PDE1A: variants seen among roughly 807,000 people sequenced by gnomAD.
PDE1A encodes the protein dual specificity calcium/calmodulin-dependent 3',5'-cyclic nucleotide phosphodiesterase 1A.
Under a neutral mutation model 61.7 loss-of-function variants are expected in PDE1A, and 35 were observed. The ratio of observed to expected loss-of-function variants is 0.57; its 90% CI spans 0.43 to 0.75. The LOEUF (loss-of-function observed/expected upper bound fraction) is 0.75. PDE1A is among the 30% of genes least tolerant of loss of function. The probability of loss-of-function intolerance (pLI) is 0.00; values close to 1 mark genes in which losing one functional copy is unlikely to be tolerated. For missense variants in PDE1A, 597 were observed against 630.6 expected (o/e 0.95, Z 0.57); for synonymous variants, 232 against 213.2 (o/e 1.09, Z -0.77).
intron 1 of PDE1A, among the ~76,000 whole-genome samples, chr2:182,270,373 A>G (rs548195313): frequency 1.3e-5 from 2 of 152,206 alleles, no homozygotes; most frequent in Admixed American, 6.5e-5. Context: ...TGCAGTTTTT[A>G]TAACCAAGTA....
At chr2:182,538,366 C>G in the PDE1A span, among the ~76,000 whole-genome samples, 1 of 152,122 alleles carries the variant, frequency 6.6e-6, no homozygotes, top group East Asian at 1.9e-4. Flanking sequence ...AAAGTAAGTG[C>G]TCTACCAGTA....
intron 2 of PDE1A, among the ~76,000 whole-genome samples, chr2:182,438,725 C>T (rs1350416706): frequency 1.3e-5 from 2 of 151,914 alleles, no homozygotes; most frequent in African/African-American, 4.8e-5. Context: ...GGAGAAATTA[C>T]AGGAGACGAA....
chr2:182,430,194 C>T (rs939506540), upstream of PDE1A, among the ~76,000 whole-genome samples: 5 of 150,034 alleles, frequency 3.3e-5, no homozygotes, highest in Admixed American at 1.3e-4. Flanking sequence ...AGAAAATTTT[C>T]GCAACCTACT....
the PDE1A span, among the ~76,000 whole-genome samples, chr2:182,662,382 A>C: frequency 6.6e-6 from 1 of 150,952 alleles, no homozygotes; most frequent in African/African-American, 2.5e-5. Context: ...AATAGCCACG[A>C]CAATCCTAAG....
At chr2:182,589,949 A>C in the PDE1A span, among the ~76,000 whole-genome samples, 1 of 151,078 alleles carries the variant, frequency 6.6e-6, no homozygotes, top group African/African-American at 2.5e-5. Flanking sequence ...CCACGCTATT[A>C]GCTTTTGGTG....
intron 1 of PDE1A, among the ~76,000 whole-genome samples, chr2:182,296,080 A>G (rs1303019000): frequency 6.6e-6 from 1 of 152,232 alleles, no homozygotes; most frequent in East Asian, 1.9e-4. Flanking sequence ...AATACCAGTC[A>G]GTATACAGAA....
chr2:182,516,702 G>GAGGAAAGAAGGAAGGAAGGA (rs1690181413), intron 2 of PDE1A, among the ~76,000 whole-genome samples: 43 of 116,848 alleles, frequency 3.7e-4, no homozygotes, highest in Non-Finnish European at 6.6e-4. Flanking sequence ...GGGAGGAAGG[G>GAGGAAAGAAGGAAGGAAGGA]AGGAAGGAAG....
chr2:182,388,303 C>A (rs962824392), intron 1 of PDE1A, among the ~76,000 whole-genome samples: 6 of 152,068 alleles, frequency 3.9e-5, no homozygotes, highest in Non-Finnish European at 7.4e-5. Context: ...AAGGAAACAT[C>A]AAAGTTAAAC....
At chr2:182,553,290 C>A in the PDE1A span, among the ~76,000 whole-genome samples, 2 of 152,142 alleles carry the variant, frequency 1.3e-5, no homozygotes, top group Non-Finnish European at 2.9e-5. Flanking sequence ...GCTCTGTGAG[C>A]AAGGACCCCC....
chr2:182,273,247 G>A (rs1693162195), intron 1 of PDE1A, among the ~76,000 whole-genome samples: 1 of 152,034 alleles, frequency 6.6e-6, no homozygotes, highest in African/African-American at 2.4e-5. Flanking sequence ...CAAGGAAAGT[G>A]ACTTAACTTA....
chr2:182,702,248 C>T, the PDE1A span, among the ~76,000 whole-genome samples: 1 of 152,122 alleles, frequency 6.6e-6, no homozygotes, highest in Non-Finnish European at 1.5e-5. Context: ...GGATTGCAGG[C>T]ATGTACCACC....
chr2:182,298,954 C>T (rs747702562), intron 1 of PDE1A, among the ~76,000 whole-genome samples: 24 of 152,034 alleles, frequency 1.6e-4, no homozygotes, highest in Admixed American at 2.0e-4. Flanking sequence ...TTGACTACAA[C>T]GGAAATTTAC....
chr2:182,173,128 C>G (rs1013121191), intron 13 of PDE1A, among the ~76,000 whole-genome samples: 1 of 151,904 alleles, frequency 6.6e-6, no homozygotes, highest in African/African-American at 2.4e-5. Flanking sequence ...TGACCATGAG[C>G]TGGTATTTCC....
intron 1 of PDE1A, among the ~76,000 whole-genome samples, chr2:182,362,624 T>C (rs1158027465): frequency 6.6e-6 from 1 of 151,962 alleles, no homozygotes; most frequent in Non-Finnish European, 1.5e-5. Context: ...TTCAAACTTA[T>C]CTATAAAAAT....
At chr2:182,653,424 G>GGT in the PDE1A span, among the ~76,000 whole-genome samples, 2 of 152,016 alleles carry the variant, frequency 1.3e-5, no homozygotes, top group African/African-American at 4.8e-5. Flanking sequence ...GAGGGGATGT[G>GGT]GTGTGTGGCA....
the PDE1A span, among the ~76,000 whole-genome samples, chr2:182,644,998 T>C: frequency 2.6e-5 from 4 of 151,204 alleles, no homozygotes; most frequent in African/African-American, 9.7e-5. Context: ...TTTTTTTTTT[T>C]TTTTTGAGAC....
At chr2:182,626,200 C>T in the PDE1A span, among the ~76,000 whole-genome samples, 1 of 152,132 alleles carries the variant, frequency 6.6e-6, no homozygotes, top group Non-Finnish European at 1.5e-5. Flanking sequence ...CAAACTTAAA[C>T]ACCAGATAGC....
At chr2:182,608,730 C>A in the PDE1A span, among the ~76,000 whole-genome samples, 13 of 152,232 alleles carry the variant, frequency 8.5e-5, no homozygotes, top group Non-Finnish European at 1.8e-4. Context: ...CAGCGCCGCC[C>A]CCTGCTCCAC....
chr2:182,308,916 T>A (rs1695779868), intron 1 of PDE1A, among the ~76,000 whole-genome samples: 2 of 152,062 alleles, frequency 1.3e-5, no homozygotes, highest in South Asian at 4.1e-4. Flanking sequence ...CCTTTTTAAA[T>A]TGGAATCGTA....
Sources: allele counts gnomAD v4.1 joint callset (sites outside exome capture counted in the v4.1 genomes callset), GRCh38; gene constraint gnomAD v4.1.1; transcripts MANE v1.5; gene names NCBI Gene and HGNC (gene_info 2026-07-23, HGNC 2026-07-21).